The following PCDHGB4 variants were observed in gnomAD, a reference collection of about 807,000 sequenced individuals.
The protein encoded by PCDHGB4 is protocadherin gamma subfamily B, 4, also known as protocadherin gamma-B4.
In PCDHGB4, 38 loss-of-function variants were observed where a neutral mutation model predicts 60.5. The ratio of observed to expected loss-of-function variants is 0.63; its 90% CI spans 0.48 to 0.82. The LOEUF (loss-of-function observed/expected upper bound fraction) is 0.82. Among genes scored for constraint, PCDHGB4 ranks in the 40% least tolerant of loss-of-function variants. The pLI is 0.00. For missense variants in PCDHGB4, 1,109 were observed against 1,209.6 expected (o/e 0.92, Z 1.23); for synonymous variants, 456 against 509.7 (o/e 0.89, Z 1.42).
intron 1 of PCDHGB4, chr5:141,414,817 A>C: frequency 6.2e-7 from 1 of 1,614,214 alleles, no homozygotes; most frequent in Non-Finnish European, 8.5e-7. Context: ...TCCACTCAGC[A>C]GCAACGTGTC....
chr5:141,490,936 C>T lies in PCDHGB4; in HGVS notation c.2398-3871C>T. 6.2e-7 allele frequency: 1 copy of T among 1,613,694 alleles called. No individual in the cohort carries two copies. On this transcript the variant is annotated intron_variant, in intron 1 of 3. Transcript: ENST00000519479. The surrounding 1 kb of genome is among the most constrained non-coding windows in gnomAD (Gnocchi z 5.4). ...GAATGATAATGCCCCAGCTGTGCTG[C>T]ACCCACGGCCAGACTGGGAACACTC...
Position 141,486,070 on chromosome 5 carries a change from T to C in PCDHGB4, c.2398-8737T>C. ...ACCTCTTTAGCCTGCACCCCACTAC[T>C]GGAAAGCTTACTCTTTTGGGGCCCC... On this transcript the variant is annotated intron_variant, in intron 1 of 3. Coordinates refer to ENST00000519479, the MANE Select transcript of PCDHGB4 (RefSeq NM_003736.4). The surrounding 1 kb of genome is among the most constrained non-coding windows in gnomAD (Gnocchi z 5.0). 6.2e-7 allele frequency: 1 copy of C among 1,614,158 alleles called. No homozygotes were observed. The highest frequency in any genetic ancestry group is 8.5e-7 in the Non-Finnish European group (1 of 1,180,010).
intron 1 of PCDHGB4, chr5:141,426,906 C>T (rs2096969568): frequency 4.4e-6 from 2 of 456,654 alleles, no homozygotes; most frequent in Admixed American, 2.3e-5. Context: ...CTCTCATCTC[C>T]TGGTCCTGGA....
At chr5:141,435,421 C>T (rs1384040447) in intron 1 of PCDHGB4, among the ~76,000 whole-genome samples, 2 of 152,096 alleles carry the variant, frequency 1.3e-5, no homozygotes, top group Non-Finnish European at 2.9e-5. Context: ...CTATTTTTCA[C>T]TTCTGTTATG....
At chr5:141,454,483 C>T (rs1434684795) in intron 1 of PCDHGB4, among the ~76,000 whole-genome samples, 9 of 151,684 alleles carry the variant, frequency 5.9e-5, no homozygotes, top group African/African-American at 9.7e-5. Flanking sequence ...CTCAGCTCAC[C>T]GCAACCTCCA....
At chr5:141,392,903 G>A in intron 1 of PCDHGB4, 1 of 1,613,884 alleles carries the variant, frequency 6.2e-7, no homozygotes, top group South Asian at 1.1e-5. Flanking sequence ...GGAGGGGACA[G>A]ATTCGCTACT....
chr5:141,477,854 C>T lies in PCDHGB4; in HGVS notation c.2398-16953C>T. Reference sequence around the variant, plus strand: ...GCCAGGTGGGAGCTCGGTGGAGATGCTGCCTCGAGGTACCTCAGCTGGCCA... The same window carrying T: ...GCCAGGTGGGAGCTCGGTGGAGATGTTGCCTCGAGGTACCTCAGCTGGCCA... On this transcript the variant is annotated intron_variant, in intron 1 of 3. Transcript: ENST00000519479. This position sits in a 1 kb window ranked among gnomAD's most constrained non-coding sequence, Gnocchi z 4.9. 1.9e-6 allele frequency: 3 copies of T among 1,614,098 alleles called. No individual in the cohort carries two copies. The South Asian group carries it at 3.3e-5, about 18-fold the overall frequency.
chr5:141,509,320 C>T (rs1261653347), intron 3 of PCDHGB4, among the ~76,000 whole-genome samples: 2 of 152,194 alleles, frequency 1.3e-5, no homozygotes, highest in East Asian at 3.8e-4. Flanking sequence ...GGGAGAGAAG[C>T]TCTACTGCCA....
At chr5:141,419,151 C>A in intron 1 of PCDHGB4, 1 of 1,613,918 alleles carries the variant, frequency 6.2e-7, no homozygotes. Context: ...GGCAAGCCTC[C>A]GTTATCCTCC....
rs758579068 is a variant in PCDHGB4, at chr5:141,485,232, T to C, written c.2398-9575T>C. 6.2e-7 allele frequency: 1 copy of C among 1,614,136 alleles called. No individual in the cohort carries two copies. The highest frequency in any genetic ancestry group is 8.5e-7 in the Non-Finnish European group (1 of 1,180,016). Reference sequence around the variant, plus strand: ...TGGCGGTGGGCTACCCTTTTGTTCCTCTTTTACCACCTGGGTTACGTTTGT... The same window carrying C: ...TGGCGGTGGGCTACCCTTTTGTTCCCCTTTTACCACCTGGGTTACGTTTGT... On this transcript the variant is annotated intron_variant, in intron 1 of 3. Coordinates refer to ENST00000519479, the MANE Select transcript of PCDHGB4 (RefSeq NM_003736.4). This position sits in a 1 kb window ranked among gnomAD's most constrained non-coding sequence, Gnocchi z 5.7.
intron 1 of PCDHGB4, chr5:141,471,252 T>A (rs1003162914): frequency 6.6e-6 from 1 of 151,872 alleles, no homozygotes; most frequent in Admixed American, 6.6e-5. Flanking sequence ...GGTTTCACCA[T>A]GTTGGCAAGG....
chr5:141,413,033 T>G, intron 1 of PCDHGB4: 1 of 776,760 alleles, frequency 1.3e-6, no homozygotes, highest in Non-Finnish European at 2.0e-6. Context: ...ACAAACCGGC[T>G]GCTGGGCTGC....
chr5:141,498,312 T>C (rs2099783060), intron 2 of PCDHGB4, among the ~76,000 whole-genome samples: 1 of 151,714 alleles, frequency 6.6e-6, no homozygotes, highest in Non-Finnish European at 1.5e-5. Context: ...TCACACTGCC[T>C]ACACAGAAGG....
Position 141,490,688 on chromosome 5 carries a change from C to G in PCDHGB4, c.2398-4119C>G. 1 of 1,614,218 alleles carries G rather than the reference C, an allele frequency of 6.2e-7. No individual in the cohort carries two copies. Among genetic ancestry groups the G allele is most frequent in the Non-Finnish European group, 8.5e-7 (1 of 1,180,032 alleles). On this transcript the variant is annotated intron_variant, in intron 1 of 3. Coordinates refer to ENST00000519479, the MANE Select transcript of PCDHGB4 (RefSeq NM_003736.4). The surrounding 1 kb of genome is among the most constrained non-coding windows in gnomAD (Gnocchi z 5.4). ...ACTGTGGCTGCCTCAGATCCAGACA[C>G]TGGGGATAATGCCCGCCTCACCTAC...
intron 1 of PCDHGB4, chr5:141,419,337 C>A (rs1283848400): frequency 6.2e-7 from 1 of 1,613,906 alleles, no homozygotes; most frequent in South Asian, 1.1e-5. Flanking sequence ...TCTCTCATTG[C>A]CAGCGACCTG....
At chr5:141,423,880 G>A in intron 1 of PCDHGB4, 1 of 1,282,292 alleles carries the variant, frequency 7.8e-7, no homozygotes, top group Middle Eastern at 2.9e-4. Context: ...TTTCAATCTT[G>A]GCATATTTTC....
At chr5:141,421,267 C>A in intron 1 of PCDHGB4, 1 of 1,611,374 alleles carries the variant, frequency 6.2e-7, no homozygotes, top group South Asian at 1.1e-5. Flanking sequence ...CAGTCGGCTG[C>A]TGCTGCTGCT....
rs772884830 is a variant in PCDHGB4 at position 141,491,791 on chromosome 5, C to T, written c.2398-3016C>T. ...TAAGGGATTGAACTTGCATCCACTCCTCTCCGGCCGGCTTGGTCGCTGGCT... is the reference window on the plus strand; with the variant it reads ...TAAGGGATTGAACTTGCATCCACTCTTCTCCGGCCGGCTTGGTCGCTGGCT... On this transcript the variant is annotated intron_variant, in intron 1 of 3. Coordinates refer to ENST00000519479, the MANE Select transcript of PCDHGB4 (RefSeq NM_003736.4). This position sits in a 1 kb window ranked among gnomAD's most constrained non-coding sequence, Gnocchi z 6.9. The T allele has an allele frequency of 3.3e-6, 5 of 1,518,376 alleles. No homozygotes were observed. In the African/African-American group the frequency reaches 4.2e-5, roughly 13 times the overall value. The allele number at this position is 1,518,376 out of a possible 1,614,324, so 94.1% of individuals were successfully genotyped here.
intron 1 of PCDHGB4, chr5:141,408,119 C>T (rs1271219465): frequency 6.8e-7 from 1 of 1,474,944 alleles, no homozygotes; most frequent in African/African-American, 1.4e-5. Flanking sequence ...CTCCTCCTGT[C>T]CTGGGCCGAA....
Sources: allele counts gnomAD v4.1 joint callset (sites outside exome capture counted in the v4.1 genomes callset), GRCh38; gene constraint gnomAD v4.1.1; non-coding constraint Gnocchi (gnomAD v3.1); transcripts MANE v1.5; gene names NCBI Gene and HGNC (gene_info 2026-07-23, HGNC 2026-07-21).